KCTD16: variants seen among roughly 807,000 people sequenced by gnomAD.
KCTD16 encodes the protein potassium channel tetramerization domain containing 16.
KCTD16 carries 13 observed loss-of-function variants against 33.2 expected under a neutral mutation model. The observed-to-expected ratio is 0.39, with a 90% CI of 0.25 to 0.62. KCTD16 has a LOEUF of 0.62. Ranked by LOEUF, KCTD16 falls within the 20% of genes least tolerant of loss-of-function variation. KCTD16 has a pLI of 0.50. For missense variants in KCTD16, 441 were observed against 525.1 expected, an observed-to-expected ratio of 0.84 and a Z score of 1.57; for synonymous variants, 197 against 195.3, an observed-to-expected ratio of 1.01 and a Z score of -0.07.
At chr5:144,264,473 T>C (rs1755090152) in intron 3 of KCTD16, among the ~76,000 whole-genome samples, 1 of 152,116 alleles carries the variant, frequency 6.6e-6, no homozygotes, top group African/African-American at 2.4e-5. Context: ...AATGAACAGG[T>C]CAGGAGCTGT....
In KCTD16 at chr5:144,403,199, C is replaced by T. The variant is rs117704496; in HGVS notation, c.833-70461C>T. Among the ~76,000 whole-genome samples the T allele has an allele frequency of 8.3e-4, 127 of 152,278 alleles. 3 individuals are homozygous for T. In the East Asian group the frequency reaches 0.02, roughly 24 times the overall value. On this transcript the variant is annotated intron_variant, in intron 3 of 3. Coordinates refer to ENST00000512467, the MANE Select transcript of KCTD16 (RefSeq NM_020768.4). ...ACATCTGAAAAGTCCCTTTTAACCA[C>T]ATGTTGTTGATTAAATTGTGTCTGC...
At chr5:144,302,051 C>A (rs893115228) in intron 3 of KCTD16, among the ~76,000 whole-genome samples, 1 of 152,064 alleles carries the variant, frequency 6.6e-6, no homozygotes, top group South Asian at 2.1e-4. Context: ...TTATTACTAT[C>A]CCCTTTTAAA....
intron 3 of KCTD16, among the ~76,000 whole-genome samples, chr5:144,343,246 C>G (rs1752694884): frequency 6.6e-6 from 1 of 152,124 alleles, no homozygotes; most frequent in Non-Finnish European, 1.5e-5. Context: ...ATTATTGCCA[C>G]AATTTCAGAG....
intron 2 of KCTD16, among the ~76,000 whole-genome samples, chr5:144,185,949 A>G (rs1239660362): frequency 6.6e-6 from 1 of 152,122 alleles, no homozygotes; most frequent in Non-Finnish European, 1.5e-5. Context: ...AAGATACCTG[A>G]GGTGCAAAAG....
At chr5:144,290,666 C>G (rs777260099) in intron 3 of KCTD16, among the ~76,000 whole-genome samples, 7 of 152,168 alleles carry the variant, frequency 4.6e-5, no homozygotes, top group Non-Finnish European at 1.0e-4. Flanking sequence ...ATCAAAATTT[C>G]TCTTTTGGCA....
At chr5:144,472,279 C>T (rs1460749717) in intron 3 of KCTD16, among the ~76,000 whole-genome samples, 2 of 152,114 alleles carry the variant, frequency 1.3e-5, no homozygotes, top group African/African-American at 2.4e-5. Flanking sequence ...AATACATGAT[C>T]GGTAAATAGT....
chr5:144,460,111 C>A (rs900123214), intron 3 of KCTD16, among the ~76,000 whole-genome samples: 1 of 152,138 alleles, frequency 6.6e-6, no homozygotes, highest in Non-Finnish European at 1.5e-5. Flanking sequence ...GGATTACAGG[C>A]GTGAGCCACC....
intron 3 of KCTD16, among the ~76,000 whole-genome samples, chr5:144,387,781 A>G (rs532144843): frequency 1.3e-5 from 2 of 152,314 alleles, no homozygotes; most frequent in South Asian, 2.1e-4. Context: ...CTTTGCTGCC[A>G]GGTGGACACA....
At position 144,284,785 on chromosome 5, in the gene KCTD16, G is replaced by C. The variant is rs547359877; in HGVS notation, c.832+77239G>C. On this transcript the variant is annotated intron_variant, in intron 3 of 3. Coordinates refer to ENST00000512467, the MANE Select transcript of KCTD16 (RefSeq NM_020768.4). ...AAAAAATCACTAGGAATTAGAAACA[G>C]AACATTGGTTAAAGACAAGAATTTG... Among the ~76,000 whole-genome samples the C allele has an allele frequency of 5.3e-5, 8 of 152,238 alleles. No individual in the cohort carries two copies. The South Asian group carries it at 1.7e-3, about 32-fold the overall frequency.
At chr5:144,391,546 G>C (rs1252628924) in intron 3 of KCTD16, among the ~76,000 whole-genome samples, 3 of 152,206 alleles carry the variant, frequency 2.0e-5, no homozygotes, top group Non-Finnish European at 4.4e-5. Context: ...TGTGGAATGA[G>C]AAACAGATGT....
intron 3 of KCTD16, among the ~76,000 whole-genome samples, chr5:144,348,345 C>CCAT (rs2067176): frequency 0.34 from 52,254 of 151,822 alleles, 9,878 homozygotes; most frequent in African/African-American, 0.51. Flanking sequence ...ATTATCATCA[C>CCAT]CATCATCCCA....
chr5:144,365,624 T>A (rs1751815752), intron 3 of KCTD16, among the ~76,000 whole-genome samples: 1 of 152,186 alleles, frequency 6.6e-6, no homozygotes, highest in Non-Finnish European at 1.5e-5. Flanking sequence ...TCTTGAGAAA[T>A]CCTTGTGTTT....
At chr5:144,235,480 G>A (rs1314627853) in intron 3 of KCTD16, among the ~76,000 whole-genome samples, 3 of 152,008 alleles carry the variant, frequency 2.0e-5, no homozygotes, top group South Asian at 4.1e-4. Context: ...TTTCTTGCTT[G>A]ACCTTGTGCA....
intron 3 of KCTD16, among the ~76,000 whole-genome samples, chr5:144,310,877 A>C (rs1267824027): frequency 6.6e-6 from 1 of 152,174 alleles, no homozygotes; most frequent in Non-Finnish European, 1.5e-5. Flanking sequence ...GTTGCCACTC[A>C]ATGCTCATTC....
At chr5:144,361,870 T>C (rs1751720669) in intron 3 of KCTD16, among the ~76,000 whole-genome samples, 1 of 151,984 alleles carries the variant, frequency 6.6e-6, no homozygotes, top group African/African-American at 2.4e-5. Context: ...TCACGTTTTA[T>C]ATATTTTACT....
rs764325824 is a variant in KCTD16, at chr5:144,207,172, C to T, written c.458C>T (p.Pro153Leu). 2.2e-5 allele frequency: 35 copies of T among 1,612,808 alleles called. No individual in the cohort carries two copies. In the Admixed American group the frequency reaches 3.8e-4, roughly 18 times the overall value. The change falls in exon 3 of 4, where the codon CCT (proline) becomes CTT (leucine). Residue 153 changes from proline to leucine, a missense_variant. By Grantham distance (98) the Pro-to-Leu change is moderately conservative. Coordinates refer to ENST00000512467, the MANE Select transcript of KCTD16 (RefSeq NM_020768.4). The stretch of plus-strand genomic sequence containing the variant: ...GGAAGCGACACAAGAATCTGCCCCC[C>T]TTCCTCCCTGCTCCCTGCCGACCGC... ...SQGSDTRICP[P>L]SSLLPADRKW... is the part of the protein sequence containing the mutation.
At chr5:144,187,342 A>G (rs1277555584) in intron 2 of KCTD16, among the ~76,000 whole-genome samples, 1 of 152,120 alleles carries the variant, frequency 6.6e-6, no homozygotes, top group Non-Finnish European at 1.5e-5. Flanking sequence ...CATTCCTAGC[A>G]CTGCCTTTCT....
intron 3 of KCTD16, among the ~76,000 whole-genome samples, chr5:144,464,456 G>C (rs1206640654): frequency 6.6e-6 from 1 of 152,136 alleles, no homozygotes; most frequent in Non-Finnish European, 1.5e-5. Context: ...AGGAGGGGAG[G>C]TACTAATGGC....
intron 3 of KCTD16, among the ~76,000 whole-genome samples, chr5:144,413,517 G>T (rs973708006): frequency 1.7e-4 from 26 of 152,160 alleles, no homozygotes; most frequent in African/African-American, 2.4e-5. Context: ...AGGGAAAAAT[G>T]TTCACGTGTA....
Sources: gnomAD v4.1 joint callset for allele counts (sites outside exome capture counted in the v4.1 genomes callset) on GRCh38, gnomAD v4.1.1 for gene constraint, MANE v1.5 for transcripts, NCBI Gene and HGNC (gene_info 2026-07-23, HGNC 2026-07-21) for gene names.